The following ERI1 variants were observed in gnomAD, a reference collection of about 807,000 sequenced individuals.
ERI1 encodes the protein 3'-5' exoribonuclease 1.
A neutral mutation model predicts 39.7 loss-of-function variants in ERI1; 39 were observed. The observed-to-expected ratio is 0.98, with a 90% CI of 0.76 to 1.28. ERI1 has a LOEUF of 1.28. Ranked by LOEUF, ERI1 falls within the 50% of genes most tolerant of loss-of-function variation. The pLI, the probability that ERI1 is intolerant of heterozygous loss-of-function variation, is 0.00. For synonymous variants in ERI1, 204 were observed against 149.6 expected, an observed-to-expected ratio of 1.36 and a Z score of -2.65; for missense variants, 581 against 416.9, an observed-to-expected ratio of 1.39 and a Z score of -3.43.
chr8:9,071,258 T>G (rs185753581), intron 3 of ERI1, among the ~76,000 whole-genome samples: 1 of 152,350 alleles, frequency 6.6e-6, no homozygotes, highest in East Asian at 1.9e-4. Flanking sequence ...TGATAACCAG[T>G]TAACTTGACA....
chr8:9,014,406 G>A (rs891799359), intron 3 of ERI1, among the ~76,000 whole-genome samples: 2 of 152,040 alleles, frequency 1.3e-5, no homozygotes, highest in African/African-American at 4.8e-5. Context: ...CCATGTTTCT[G>A]ACCCCCCTTA....
chr8:9,087,008 C>T (rs1276211741), intron 3 of ERI1, among the ~76,000 whole-genome samples: 1 of 151,992 alleles, frequency 6.6e-6, no homozygotes, highest in Non-Finnish European at 1.5e-5. Flanking sequence ...TGACCTCCTT[C>T]TCACCTTCTC....
At position 9,003,073 on chromosome 8, in the gene ERI1, C is replaced by T. The variant is rs918121258; in HGVS notation, c.10C>T (p.Pro4Ser). The T allele has an allele frequency of 1.5e-5, 19 of 1,247,330 alleles. No homozygotes were observed. In the African/African-American group the frequency reaches 2.5e-4, roughly 16 times the overall value. 77.3% of individuals were successfully genotyped at this position (1,247,330 alleles called of 1,614,324 possible). ...TGGCGTGACAGCCGGCATGGAGGAT[C>T]CACAGAGTAAAGAGCCTGCCGGCGA... The part of the protein sequence containing the change: MED[P>S]QSKEPAGEAV... Residue 4 changes from proline (P) to serine (S), a missense_variant, in exon 1 of 7, where the codon CCA (proline) becomes TCA (serine). Physicochemically the swap from Pro to Ser is moderately conservative, Grantham distance 74 (BLOSUM62 -1). Coordinates refer to ENST00000250263, the MANE Select transcript of ERI1 (RefSeq NM_153332.4).
In ERI1 at chr8:9,003,121, G is replaced by C; in HGVS notation, c.58G>C (p.Glu20Gln). 8.0e-7 allele frequency: 1 copy of C among 1,245,964 alleles called. No homozygotes were observed. Among genetic ancestry groups the C allele is most frequent in the Non-Finnish European group, 1.0e-6 (1 of 990,190 alleles). 77.2% of individuals were successfully genotyped at this position (1,245,964 alleles called of 1,614,324 possible). Reference protein sequence around the residue: ...AGEAVALALLESPRPEGGEEP... With the variant: ...AGEAVALALLQSPRPEGGEEP... ...CGAGGCCGTGGCTCTCGCGCTGCTG[G>C]AGTCGCCGCGGCCGGAGGGCGGGGA... The change falls in exon 1 of 7, where the codon GAG (glutamate) becomes CAG (glutamine). Residue 20 changes from glutamate (E) to glutamine (Q), a missense_variant. Coordinates refer to ENST00000250263, the MANE Select transcript of ERI1 (RefSeq NM_153332.4).
intron 3 of ERI1, among the ~76,000 whole-genome samples, chr8:9,078,587 G>T (rs976553710): frequency 5.9e-5 from 9 of 152,142 alleles, no homozygotes; most frequent in Non-Finnish European, 1.0e-4. Flanking sequence ...AAATTCTGAA[G>T]TGCTACCCAG....
chr8:9,022,464 G>A (rs908435368), intron 6 of ERI1, among the ~76,000 whole-genome samples: 14 of 152,088 alleles, frequency 9.2e-5, no homozygotes, highest in African/African-American at 2.7e-4. Flanking sequence ...GCGGTAGTGC[G>A]ATCTTGGCTC....
At chr8:9,018,493 A>G (rs568715359) in intron 5 of ERI1, 87 bp downstream of exon 5, 10 of 759,854 alleles carry the variant, frequency 1.3e-5, no homozygotes, top group South Asian at 5.6e-5. Context: ...AATAACCACA[A>G]ACTATTATTA....
chr8:9,098,732 A>T (rs556329594), intron 3 of ERI1, among the ~76,000 whole-genome samples: 168 of 152,302 alleles, frequency 1.1e-3, no homozygotes, highest in African/African-American at 3.8e-3. Context: ...ATAAAAAAAA[A>T]ATTTTTAATA....
chr8:9,008,453 T>C (rs1416382909), intron 2 of ERI1, among the ~76,000 whole-genome samples: 1 of 152,196 alleles, frequency 6.6e-6, no homozygotes, highest in Non-Finnish European at 1.5e-5. Flanking sequence ...AAATGATGGA[T>C]AGTTATATTA....
intron 3 of ERI1, among the ~76,000 whole-genome samples, chr8:9,059,407 C>T (rs1251226566): frequency 3.3e-5 from 5 of 151,696 alleles, no homozygotes; most frequent in African/African-American, 4.8e-5. Context: ...GGAGAGATAA[C>T]GGGCGATGTT....
intron 3 of ERI1, among the ~76,000 whole-genome samples, chr8:9,082,749 C>T (rs1799407614): frequency 6.6e-6 from 1 of 152,240 alleles, no homozygotes; most frequent in East Asian, 1.9e-4. Context: ...CACCCTTGAA[C>T]CTATCTAACG....
At chr8:9,075,479 T>C (rs1799180326) in intron 3 of ERI1, among the ~76,000 whole-genome samples, 1 of 148,544 alleles carries the variant, frequency 6.7e-6, no homozygotes, top group African/African-American at 2.5e-5. Context: ...TATCACATGC[T>C]GAACATGCCT....
At chr8:9,045,770 G>A (rs1388423781) in intron 3 of ERI1, among the ~76,000 whole-genome samples, 5 of 149,564 alleles carry the variant, frequency 3.3e-5, no homozygotes, top group African/African-American at 9.9e-5. Flanking sequence ...TCCACCTCCC[G>A]GGTTCAAGTG....
intron 3 of ERI1, among the ~76,000 whole-genome samples, chr8:9,073,169 T>C (rs1799108328): frequency 6.6e-6 from 1 of 152,266 alleles, no homozygotes; most frequent in South Asian, 2.1e-4. Context: ...CCTGGCCTCA[T>C]GCCTTCGGCT....
At chr8:9,075,936 C>CT (rs930430380) in intron 3 of ERI1, among the ~76,000 whole-genome samples, 3 of 151,716 alleles carry the variant, frequency 2.0e-5, no homozygotes, top group Non-Finnish European at 4.4e-5. Flanking sequence ...CTGCACTTGG[C>CT]TTTTTTTTGG....
chr8:9,034,873 T>C (rs1295334838), downstream of ERI1, among the ~76,000 whole-genome samples: 1 of 152,158 alleles, frequency 6.6e-6, no homozygotes, highest in African/African-American at 2.4e-5. Flanking sequence ...TTGAAGGAAA[T>C]TAAAAGTGCT....
chr8:9,010,798 A>G (rs1025565206), intron 2 of ERI1, among the ~76,000 whole-genome samples: 1 of 152,184 alleles, frequency 6.6e-6, no homozygotes, highest in African/African-American at 2.4e-5. Context: ...ATCTGTTAGG[A>G]TGACCTTTCT....
At chr8:9,056,481 A>G (rs1208684768) in intron 3 of ERI1, among the ~76,000 whole-genome samples, 2 of 152,114 alleles carry the variant, frequency 1.3e-5, no homozygotes, top group Non-Finnish European at 2.9e-5. Flanking sequence ...GGTTGTTTTC[A>G]AGTTTGGCTT....
At position 9,063,482 on chromosome 8, in the gene ERI1, C is replaced by T. The variant is rs573596576; in HGVS notation, n.299+43018C>T. Among the ~76,000 whole-genome samples the T allele has an allele frequency of 1.6e-3, 237 of 152,016 alleles. 1 individual carries two copies. Among genetic ancestry groups the T allele is most frequent in the African/African-American group, 4.5e-3 (188 of 41,434 alleles). The stretch of plus-strand genomic sequence containing the variant: ...ATAAAAGGATTATAGGGTGGAGGAG[C>T]GGAGGCTGAGGAAGAATCGGGACCT... On this transcript the variant is annotated intron_variant and non_coding_transcript_variant, in intron 3 of 3. Transcript: ENST00000518663.
Sources: gnomAD v4.1 joint callset for allele counts (sites outside exome capture counted in the v4.1 genomes callset) on GRCh38, gnomAD v4.1.1 for gene constraint, MANE v1.5 for transcripts, NCBI Gene and HGNC (gene_info 2026-07-23, HGNC 2026-07-21) for gene names.